Variants in MTA3 observed in about 807,000 individuals in gnomAD.
The protein encoded by MTA3 is metastasis associated 1 family member 3.
Under a neutral mutation model 83.5 loss-of-function variants are expected in MTA3, and 34 were observed. The observed-to-expected ratio is 0.41, with a 90% CI of 0.31 to 0.54. MTA3 has a LOEUF of 0.54. Ranked by LOEUF, MTA3 falls within the 20% of genes least tolerant of loss-of-function variation. MTA3 has a pLI of 0.33. For synonymous variants in MTA3, 303 were observed against 252.7 expected, an observed-to-expected ratio of 1.20 and a Z score of -1.89; for missense variants, 761 against 726.4, an observed-to-expected ratio of 1.05 and a Z score of -0.55.
At chr2:42,727,778 A>T (rs1218751653) in intron 16 of MTA3, among the ~76,000 whole-genome samples, 1 of 152,076 alleles carries the variant, frequency 6.6e-6, no homozygotes, top group Non-Finnish European at 1.5e-5. Flanking sequence ...TGATCTTACG[A>T]TTGAAAATTT....
intron 8 of MTA3, among the ~76,000 whole-genome samples, chr2:42,675,854 G>A (rs776514683): frequency 5.9e-5 from 9 of 152,120 alleles, no homozygotes; most frequent in African/African-American, 1.4e-4. Context: ...ATTAGACTAC[G>A]TAAAGTCCAT....
At chr2:42,599,262 A>G (rs1193949477) in intron 3 of MTA3, among the ~76,000 whole-genome samples, 4 of 152,122 alleles carry the variant, frequency 2.6e-5, no homozygotes, top group African/African-American at 9.7e-5. Flanking sequence ...CAACATTATA[A>G]AAATAGTTGG....
At chr2:42,745,860 T>G (rs1305127997) in intron 16 of MTA3, among the ~76,000 whole-genome samples, 8 of 121,750 alleles carry the variant, frequency 6.6e-5, no homozygotes, top group Non-Finnish European at 1.3e-4. Flanking sequence ...TGTCACCAGA[T>G]GGGAATGCAG....
chr2:42,732,782 G>C (rs1241217224), intron 16 of MTA3, among the ~76,000 whole-genome samples: 1 of 152,172 alleles, frequency 6.6e-6, no homozygotes, highest in African/African-American at 2.4e-5. Flanking sequence ...TTTTCTGCCA[G>C]ATATGCTAAA....
chr2:42,515,549 C>G (rs1675106193), intron 2 of MTA3, among the ~76,000 whole-genome samples: 1 of 151,936 alleles, frequency 6.6e-6, no homozygotes, highest in African/African-American at 2.4e-5. Context: ...CTCTCCCAGG[C>G]TAGAGTGCAG....
At chr2:42,676,402 G>T (rs761418125) in intron 8 of MTA3, among the ~76,000 whole-genome samples, 1 of 152,156 alleles carries the variant, frequency 6.6e-6, no homozygotes, top group Non-Finnish European at 1.5e-5. Flanking sequence ...GATTTGAGTG[G>T]TTGGTGTAGC....
At chr2:42,566,909 T>G (rs1183859864), upstream of MTA3, among the ~76,000 whole-genome samples, 2 of 152,222 alleles carry the variant, frequency 1.3e-5, no homozygotes, top group East Asian at 3.8e-4. Context: ...GCTGCCAGTT[T>G]ACTGTGTGAT....
At chr2:42,654,498 C>T (rs2104353893) in intron 6 of MTA3, among the ~76,000 whole-genome samples, 1 of 152,326 alleles carries the variant, frequency 6.6e-6, no homozygotes, top group Non-Finnish European at 1.5e-5. Context: ...TCCATTGGCT[C>T]CCAACTTTTC....
chr2:42,576,941 ATACT>A (rs971552843), intron 2 of MTA3, among the ~76,000 whole-genome samples: 2 of 150,980 alleles, frequency 1.3e-5, no homozygotes, highest in African/African-American at 4.9e-5. Context: ...TAAACTGAAA[ATACT>A]TACTTTGTTC....
intron 3 of MTA3, among the ~76,000 whole-genome samples, chr2:42,602,377 T>C (rs1386293883): frequency 6.6e-6 from 1 of 152,212 alleles, no homozygotes; most frequent in Non-Finnish European, 1.5e-5. Context: ...TCTTTTGGTG[T>C]ACTTATGCTC....
At chr2:42,588,273 A>G (rs1394846699) in intron 3 of MTA3, among the ~76,000 whole-genome samples, 1 of 152,202 alleles carries the variant, frequency 6.6e-6, no homozygotes, top group African/African-American at 2.4e-5. Flanking sequence ...GTAAGTAAGT[A>G]GATCAGAATG....
intron 16 of MTA3, among the ~76,000 whole-genome samples, chr2:42,745,121 A>AT (rs1309610335): frequency 6.6e-6 from 1 of 152,264 alleles, no homozygotes; most frequent in Non-Finnish European, 1.5e-5. Context: ...TATCAGCCAG[A>AT]TATTTATTTT....
In MTA3 at chr2:42,536,791, A is replaced by G. The variant is rs543406078; in HGVS notation, c.-140-33646A>G. 1.1e-3 allele frequency among the ~76,000 whole-genome samples: 154 copies of G among 144,256 alleles called. 1 individual carries two copies. Among genetic ancestry groups the G allele is most frequent in the African/African-American group, 3.8e-3 (146 of 38,416 alleles). 94.6% of individuals were successfully genotyped at this position (144,256 alleles called of 152,430 possible). A position where few individuals can be genotyped will look rare whatever the true frequency, so the allele number is the denominator to read the frequency against. On this transcript the variant is annotated intron_variant, in intron 2 of 17. Transcript: ENST00000405592. ...GGAGAATGGCGTGAACCCGGGAGGC[A>G]GAGCTTGCAGTGAGCCAAGATTGTG...
At chr2:42,574,429 T>G (rs1452066514) in intron 2 of MTA3, among the ~76,000 whole-genome samples, 20 of 151,778 alleles carry the variant, frequency 1.3e-4, no homozygotes, top group Non-Finnish European at 1.5e-5. Context: ...CCCGGCCTCC[T>G]TTTCTCAAAA....
chr2:42,590,390 T>G (rs1680825029), intron 3 of MTA3, among the ~76,000 whole-genome samples: 1 of 152,164 alleles, frequency 6.6e-6, no homozygotes, highest in Non-Finnish European at 1.5e-5. Flanking sequence ...TTGCTTCCTT[T>G]CTTGCCATGT....
At chr2:42,708,252 G>A (rs890811419) in intron 13 of MTA3, among the ~76,000 whole-genome samples, 198 bp downstream of exon 13, 2 of 152,126 alleles carry the variant, frequency 1.3e-5, no homozygotes, top group African/African-American at 4.8e-5. Flanking sequence ...CAGAATAATG[G>A]TCTCAGACAA....
At chr2:42,675,067 C>T (rs965857153) in intron 8 of MTA3, among the ~76,000 whole-genome samples, 1 of 152,010 alleles carries the variant, frequency 6.6e-6, no homozygotes, top group Admixed American at 6.6e-5. Flanking sequence ...GGATTACATG[C>T]CTGAGCCAAT....
At chr2:42,661,174 A>G (rs761010497) in intron 8 of MTA3, among the ~76,000 whole-genome samples, 1 of 152,324 alleles carries the variant, frequency 6.6e-6, no homozygotes, top group Admixed American at 6.5e-5. Flanking sequence ...TCAGTTGTTT[A>G]GAGCTTCGAG....
At chr2:42,544,231 A>G (rs530134549) in intron 2 of MTA3, among the ~76,000 whole-genome samples, 1 of 152,220 alleles carries the variant, frequency 6.6e-6, no homozygotes, top group Admixed American at 6.5e-5. Flanking sequence ...GCAGATCACA[A>G]GGTCAGGAGT....
Sources: allele counts gnomAD v4.1 joint callset (sites outside exome capture counted in the v4.1 genomes callset), GRCh38; gene constraint gnomAD v4.1.1; transcripts MANE v1.5; gene names NCBI Gene and HGNC (gene_info 2026-07-23, HGNC 2026-07-21).